PACC1: variants seen among roughly 807,000 people sequenced by gnomAD.
The protein encoded by PACC1 is proton activated chloride channel 1, also known as proton-activated chloride channel.
Under a neutral mutation model 39.7 loss-of-function variants are expected in PACC1, and 34 were observed. The observed-to-expected ratio is 0.86, with a 90% CI of 0.65 to 1.14. The LOEUF (loss-of-function observed/expected upper bound fraction) is 1.14. Ranked by LOEUF, PACC1 falls within the 50% of genes most tolerant of loss-of-function variation. PACC1 has a pLI of 0.00. For synonymous variants in PACC1, 127 were observed against 160.6 expected, an observed-to-expected ratio of 0.79 and a Z score of 1.58; for missense variants, 379 against 436.4, an observed-to-expected ratio of 0.87 and a Z score of 1.17.
chr1:212,409,475 A>T (rs1358489685), intron 2 of PACC1, among the ~76,000 whole-genome samples: 2 of 152,194 alleles, frequency 1.3e-5, no homozygotes, highest in Admixed American at 6.5e-5. Flanking sequence ...TGAGGCCTAA[A>T]ATAAAAAAAG....
chr1:212,374,086 A>C, intron 7 of PACC1, among the ~76,000 whole-genome samples: 1 of 151,982 alleles, frequency 6.6e-6, no homozygotes, highest in East Asian at 1.9e-4. Context: ...TATCAAAGAG[A>C]TATCCGCACT....
intron 6 of PACC1, 113 bp downstream of exon 6, chr1:212,377,449 T>C (rs774972420): frequency 4.4e-5 from 62 of 1,423,832 alleles, no homozygotes; most frequent in Non-Finnish European, 5.8e-5. Context: ...GACCAAGGCC[T>C]ACTCACCCTT....
In PACC1 at chr1:212,412,404, C is replaced by A. The variant is rs528899140; in HGVS notation, c.37-1883G>T. 3.3e-5 allele frequency among the ~76,000 whole-genome samples: 5 copies of A among 152,324 alleles called. 1 individual carries two copies. In the South Asian group the frequency reaches 6.2e-4, roughly 19 times the overall value. On this transcript the variant is annotated intron_variant, in intron 1 of 7. Coordinates refer to ENST00000261455, the MANE Select transcript of PACC1 (RefSeq NM_018252.3). ...AGCCATAATGAGCCTGCCTCCTTGC[C>A]TGCCCCTGGCCAAATTCTCAGTATA...
rs2102457019 is a variant in PACC1, at chr1:212,364,614, T to A, written c.*601A>T. On this transcript the variant is annotated 3_prime_UTR_variant, in exon 8 of 8. Transcript: ENST00000261455. Reference sequence around the variant, plus strand: ...TCAACAAACATTCTAGCCGGACAAGTAGGTGGCTACTCAGTCCATTAAGAA... The same window carrying A: ...TCAACAAACATTCTAGCCGGACAAGAAGGTGGCTACTCAGTCCATTAAGAA... 1 of 152,742 alleles carries A rather than the reference T, an allele frequency of 6.5e-6. No homozygotes were observed. Among genetic ancestry groups the A allele is most frequent in the East Asian group, 1.9e-4 (1 of 5,190 alleles). 9.5% of individuals were successfully genotyped at this position (152,742 alleles called of 1,614,324 possible). A position where few individuals can be genotyped will look rare whatever the true frequency, so the allele number is the denominator to read the frequency against.
At chr1:212,374,049 G>GAAAAAAAAAAAAA (rs199738815) in intron 7 of PACC1, among the ~76,000 whole-genome samples, 2 of 89,990 alleles carry the variant, frequency 2.2e-5, no homozygotes, top group Admixed American at 1.2e-4. Flanking sequence ...AAAAAGAAAA[G>GAAAAAAAAAAAAA]AAAAAAAAAA....
intron 2 of PACC1, among the ~76,000 whole-genome samples, chr1:212,403,753 C>G (rs1258550258): frequency 6.6e-6 from 1 of 152,040 alleles, no homozygotes; most frequent in African/African-American, 2.4e-5. Context: ...TTTGTAGAGA[C>G]AGAGTTTTGC....
rs1212098573 is a variant in PACC1, at chr1:212,413,767, A to G, written c.36+955T>C. On this transcript the variant is annotated intron_variant, in intron 1 of 7. Transcript: ENST00000261455. ...CAGCGTCAGGTCTGAGAAAAAAGGA[A>G]TGCTCCGAGGTGAAGGCAGGGCCTC... The G allele has an allele frequency of 3.0e-6, 3 of 1,005,834 alleles. No individual in the cohort carries two copies. The African/African-American group carries it at 4.9e-5, about 16-fold the overall frequency. 62.3% of individuals were successfully genotyped at this position (1,005,834 alleles called of 1,614,324 possible). A position where few individuals can be genotyped will look rare whatever the true frequency, so the allele number is the denominator to read the frequency against.
intron 2 of PACC1, among the ~76,000 whole-genome samples, chr1:212,396,703 A>T (rs1661533238): frequency 6.9e-6 from 1 of 145,594 alleles, no homozygotes; most frequent in Admixed American, 6.9e-5. Flanking sequence ...GGATAACTTA[A>T]AAAAAAAAAA....
chr1:212,407,355 A>AGGAATTCAGGC lies in PACC1; in HGVS notation c.133+3059_133+3069dup, dbSNP rs1210216679. 2.6e-5 allele frequency among the ~76,000 whole-genome samples: 4 copies of AGGAATTCAGGC among 152,346 alleles called. No individual in the cohort carries two copies. The East Asian group carries it at 7.7e-4, about 29-fold the overall frequency. ...AAGTTCTCTCCTCAAGCCCCTAGAA[A>AGGAATTCAGGC]GGAATTCAGGCCTGCTGACAGCTTA... On this transcript the variant is annotated intron_variant, in intron 2 of 7. Transcript: ENST00000261455.
At chr1:212,405,490 GA>G (rs1220709316) in intron 2 of PACC1, among the ~76,000 whole-genome samples, 1 of 148,768 alleles carries the variant, frequency 6.7e-6, no homozygotes, top group African/African-American at 2.4e-5. Flanking sequence ...GGAAGGCTCA[GA>G]AGGAGGGACA....
chr1:212,399,051 T>C (rs1203739522), intron 2 of PACC1, among the ~76,000 whole-genome samples: 2 of 152,256 alleles, frequency 1.3e-5, no homozygotes, highest in Non-Finnish European at 1.5e-5. Flanking sequence ...AATGGGACCA[T>C]GGGTATCCTT....
intron 6 of PACC1, among the ~76,000 whole-genome samples, chr1:212,375,650 C>T (rs1660639879): frequency 6.6e-6 from 1 of 152,176 alleles, no homozygotes; most frequent in African/African-American, 2.4e-5. Flanking sequence ...TTTGTGAGGC[C>T]TAGCCAGGCA....
At chr1:212,413,774 G>T in intron 1 of PACC1, 5 of 1,060,402 alleles carry the variant, frequency 4.7e-6, no homozygotes, top group South Asian at 1.7e-5. Flanking sequence ...GGAATGCTCC[G>T]AGGTGAAGGC....
chr1:212,399,681 T>C (rs1661645585), intron 2 of PACC1, among the ~76,000 whole-genome samples: 1 of 152,164 alleles, frequency 6.6e-6, no homozygotes, highest in South Asian at 2.1e-4. Context: ...TAGCTGGGAC[T>C]ACAGGCACAT....
At chr1:212,414,441 C>T (rs1346887949) in intron 1 of PACC1, among the ~76,000 whole-genome samples, 3 of 152,208 alleles carry the variant, frequency 2.0e-5, no homozygotes, top group African/African-American at 7.2e-5. Flanking sequence ...AATCATTCAC[C>T]TGCTGGTTAC....
At chr1:212,378,828 T>C (rs1012244245) in intron 5 of PACC1, among the ~76,000 whole-genome samples, 1 of 152,140 alleles carries the variant, frequency 6.6e-6, no homozygotes, top group Non-Finnish European at 1.5e-5. Context: ...CTGCCACTCC[T>C]GAGACAGCAA....
intron 2 of PACC1, among the ~76,000 whole-genome samples, chr1:212,395,475 A>AT (rs1661480541): frequency 6.6e-6 from 1 of 152,240 alleles, no homozygotes; most frequent in Non-Finnish European, 1.5e-5. Context: ...ACCTAAAACC[A>AT]TAAAAACCCT....
At chr1:212,409,493 T>C (rs554599836) in intron 2 of PACC1, among the ~76,000 whole-genome samples, 4 of 151,918 alleles carry the variant, frequency 2.6e-5, no homozygotes, top group South Asian at 4.1e-4. Flanking sequence ...AAGATCAGCA[T>C]GGCTGAGGGC....
intron 2 of PACC1, among the ~76,000 whole-genome samples, chr1:212,403,735 TTG>T (rs1164599221): frequency 6.6e-6 from 1 of 152,084 alleles, no homozygotes; most frequent in African/African-American, 2.4e-5. Flanking sequence ...CAACTAATTT[TTG>T]TGTTTTTTGT....
Sources: allele counts gnomAD v4.1 joint callset (sites outside exome capture counted in the v4.1 genomes callset), GRCh38; gene constraint gnomAD v4.1.1; transcripts MANE v1.5; gene names NCBI Gene and HGNC (gene_info 2026-07-23, HGNC 2026-07-21).